The following SCFD2 variants were observed in gnomAD, a reference collection of about 807,000 sequenced individuals.
SCFD2 encodes sec1 family domain containing 2.
In SCFD2, 54 loss-of-function variants were observed where a neutral mutation model predicts 58.9. The ratio of observed to expected loss-of-function variants is 0.92; its 90% confidence interval spans 0.74 to 1.15. SCFD2 has a LOEUF of 1.15. Ranked by LOEUF, SCFD2 falls within the 50% of genes most tolerant of loss-of-function variation. SCFD2 has a pLI of 0.00. For missense variants in SCFD2, 805 were observed against 836.6 expected, an observed-to-expected ratio of 0.96 and a Z score of 0.47; for synonymous variants, 321 against 335.9, an observed-to-expected ratio of 0.96 and a Z score of 0.49.
At chr4:52,911,874 C>A (rs1316348523) in intron 6 of SCFD2, among the ~76,000 whole-genome samples, 1 of 152,130 alleles carries the variant, frequency 6.6e-6, no homozygotes, top group Non-Finnish European at 1.5e-5. Flanking sequence ...TAGACTCTGC[C>A]GATAGGGGGC....
At chr4:53,217,526 C>T (rs1427853852) in intron 4 of SCFD2, among the ~76,000 whole-genome samples, 3 of 152,122 alleles carry the variant, frequency 2.0e-5, no homozygotes, top group Non-Finnish European at 4.4e-5. Flanking sequence ...TATTTTGAGC[C>T]TATGTGTGTC....
intron 6 of SCFD2, among the ~76,000 whole-genome samples, chr4:52,911,155 A>T (rs575364386): frequency 3.3e-5 from 5 of 152,344 alleles, no homozygotes; most frequent in Admixed American, 2.0e-4. Context: ...TGGCTCTGTA[A>T]TTAAGCAAAA....
chr4:53,094,836 A>G (rs1724572202), intron 5 of SCFD2, among the ~76,000 whole-genome samples: 1 of 151,970 alleles, frequency 6.6e-6, no homozygotes, highest in Admixed American at 6.6e-5. Flanking sequence ...TTCCTCTTTT[A>G]TTCTCTTACA....
At chr4:52,921,040 T>TGG (rs1411816294) in intron 5 of SCFD2, among the ~76,000 whole-genome samples, 170 bp from the exon 6 acceptor site, 1 of 152,008 alleles carries the variant, frequency 6.6e-6, no homozygotes, top group Non-Finnish European at 1.5e-5. Context: ...ACTGGGCTGT[T>TGG]TCAATCGTCC....
intron 5 of SCFD2, among the ~76,000 whole-genome samples, chr4:53,040,374 A>G (rs1722867672): frequency 6.6e-6 from 1 of 152,192 alleles, no homozygotes; most frequent in South Asian, 2.1e-4. Flanking sequence ...CATCTGAAGA[A>G]GGATCTTTAT....
At chr4:53,084,096 G>T (rs547928723) in intron 5 of SCFD2, among the ~76,000 whole-genome samples, 18 of 152,062 alleles carry the variant, frequency 1.2e-4, no homozygotes, top group African/African-American at 4.3e-4. Context: ...AATTTACCAG[G>T]GTGGAGTTTT....
chr4:53,071,058 T>C (rs987820516), intron 5 of SCFD2, among the ~76,000 whole-genome samples: 3 of 152,092 alleles, frequency 2.0e-5, no homozygotes, highest in African/African-American at 4.8e-5. Flanking sequence ...TAAAGGTCAG[T>C]AGCATGGCCT....
At chr4:53,164,997 T>C (rs576019419) in intron 4 of SCFD2, among the ~76,000 whole-genome samples, 53 of 152,232 alleles carry the variant, frequency 3.5e-4, no homozygotes, top group African/African-American at 1.3e-3. Context: ...ACTGAAAAAG[T>C]TGTGTTTTGT....
chr4:52,963,267 T>C (rs1483879652), intron 5 of SCFD2, among the ~76,000 whole-genome samples: 1 of 152,222 alleles, frequency 6.6e-6, no homozygotes, highest in Non-Finnish European at 1.5e-5. Flanking sequence ...CCATTTAGGG[T>C]TAAAAAAATA....
At chr4:53,204,338 A>G (rs1222890298) in intron 4 of SCFD2, among the ~76,000 whole-genome samples, 1 of 152,116 alleles carries the variant, frequency 6.6e-6, no homozygotes, top group Admixed American at 6.6e-5. Flanking sequence ...AAAAAATTAC[A>G]TCCTTGAAAA....
intron 5 of SCFD2, among the ~76,000 whole-genome samples, chr4:52,969,212 G>C (rs1721035728): frequency 6.6e-6 from 1 of 152,170 alleles, no homozygotes; most frequent in Non-Finnish European, 1.5e-5. Context: ...TGTGTTTGGA[G>C]TTGAGCTCAA....
intron 5 of SCFD2, among the ~76,000 whole-genome samples, chr4:53,142,588 G>A (rs1281631609): frequency 6.6e-6 from 1 of 152,182 alleles, no homozygotes; most frequent in Non-Finnish European, 1.5e-5. Flanking sequence ...CATTTGGAAG[G>A]CAATTCAGTT....
At chr4:53,162,063 T>C (rs1441990540) in intron 4 of SCFD2, among the ~76,000 whole-genome samples, 1 of 152,188 alleles carries the variant, frequency 6.6e-6, no homozygotes, top group African/African-American at 2.4e-5. Flanking sequence ...ACTCTTTGCT[T>C]GAGCTCTTGG....
Position 53,166,091 on chromosome 4 carries a change from A to G in SCFD2, c.1312-20509T>C, listed in dbSNP as rs566624999. ...CTTAAAAATTCATCCATGTTGTAGC[A>G]TGTGTCAGAGTTTCACTCCTGTTTA... On this transcript the variant is annotated intron_variant, in intron 4 of 8. Transcript: ENST00000401642. 3.6e-4 allele frequency among the ~76,000 whole-genome samples: 55 copies of G among 152,288 alleles called. 1 individual carries two copies. Among genetic ancestry groups the G allele is most frequent in the Non-Finnish European group, 5.9e-5 (4 of 68,028 alleles).
intron 7 of SCFD2, among the ~76,000 whole-genome samples, chr4:52,902,368 C>T (rs1048595088): frequency 6.6e-6 from 1 of 152,224 alleles, no homozygotes; most frequent in African/African-American, 2.4e-5. Context: ...TGGCTTCCCA[C>T]AGGCACAGCA....
At chr4:52,923,514 AAATG>A (rs1291534273) in intron 5 of SCFD2, among the ~76,000 whole-genome samples, 11 of 150,178 alleles carry the variant, frequency 7.3e-5, no homozygotes, top group African/African-American at 2.7e-4. Context: ...ATAAATAAAT[AAATG>A]TGTGGTCAAG....
At chr4:53,152,876 AGC>A (rs1726553379) in intron 4 of SCFD2, among the ~76,000 whole-genome samples, 1 of 152,252 alleles carries the variant, frequency 6.6e-6, no homozygotes, top group Non-Finnish European at 1.5e-5. Context: ...TCTAAAACCC[AGC>A]AGGGCAGACA....
intron 4 of SCFD2, among the ~76,000 whole-genome samples, chr4:53,160,817 A>G (rs1179069156): frequency 2.6e-5 from 4 of 152,232 alleles, no homozygotes; most frequent in Admixed American, 1.3e-4. Flanking sequence ...ATGTATTCCT[A>G]TAAGGGGCAC....
intron 5 of SCFD2, among the ~76,000 whole-genome samples, chr4:53,058,173 G>C (rs1723400688): frequency 6.6e-6 from 1 of 151,934 alleles, no homozygotes. Flanking sequence ...TTAAGGCAGA[G>C]GTGATAATTT....
Sources: allele counts gnomAD v4.1 joint callset (sites outside exome capture counted in the v4.1 genomes callset), GRCh38; gene constraint gnomAD v4.1.1; transcripts MANE v1.5; gene names NCBI Gene and HGNC (gene_info 2026-07-23, HGNC 2026-07-21).